The following DCAKD variants were observed in gnomAD, a reference collection of about 807,000 sequenced individuals.
The protein encoded by DCAKD is dephospho-CoA kinase domain-containing protein.
In DCAKD, 15 loss-of-function variants were observed where a neutral mutation model predicts 18.7. That is an observed-to-expected ratio of 0.80 (90% CI 0.54 to 1.24). The LOEUF is 1.24. DCAKD is among the 50% of genes most tolerant of loss of function. The pLI is 0.00. For synonymous variants in DCAKD, 130 were observed against 133.0 expected, an observed-to-expected ratio of 0.98 and a Z score of 0.16; for missense variants, 301 against 322.0, an observed-to-expected ratio of 0.93 and a Z score of 0.50.
intron 3 of DCAKD, among the ~76,000 whole-genome samples, chr17:45,032,907 G>A (rs2053202514): frequency 6.6e-6 from 1 of 152,202 alleles, no homozygotes; most frequent in Non-Finnish European, 1.5e-5. Context: ...ATGTGCCAAA[G>A]GCTGGCATGC....
intron 4 of DCAKD, among the ~76,000 whole-genome samples, chr17:45,029,720 C>T (rs1763906907): frequency 6.6e-6 from 1 of 152,154 alleles, no homozygotes; most frequent in Non-Finnish European, 1.5e-5. Flanking sequence ...ATATCAACAC[C>T]TGTCCTGACC....
chr17:45,037,399 AAAAC>A (rs1286130574), intron 1 of DCAKD, among the ~76,000 whole-genome samples: 2 of 152,300 alleles, frequency 1.3e-5, no homozygotes, highest in South Asian at 2.1e-4. Flanking sequence ...ACAAACAAAC[AAAAC>A]AAACAAACAA....
In DCAKD at chr17:45,031,583, G is replaced by A. The variant is rs948239895; in HGVS notation, c.317-1404C>T. The A allele has an allele frequency of 2.1e-5, 21 of 985,138 alleles. No homozygotes were observed. The East Asian group carries it at 3.4e-4, about 16-fold the overall frequency. The allele number at this position is 985,138 out of a possible 1,614,324, so 61.0% of individuals were successfully genotyped here. A position where few individuals can be genotyped will look rare whatever the true frequency, so the allele number is the denominator to read the frequency against. On this transcript the variant is annotated intron_variant, in intron 3 of 4. Transcript: ENST00000651974. Reference sequence around the variant, plus strand: ...CAGGGGGAGGCCAACAGTGTGGTGCGCCTCCCTAACTTGGAGCAGAAGCCA... The same window carrying A: ...CAGGGGGAGGCCAACAGTGTGGTGCACCTCCCTAACTTGGAGCAGAAGCCA...
chr17:45,057,202 C>T (rs2053790845), intron 1 of DCAKD, among the ~76,000 whole-genome samples: 1 of 152,058 alleles, frequency 6.6e-6, no homozygotes, highest in Non-Finnish European at 1.5e-5. Flanking sequence ...TGCCACAATG[C>T]CACGCTAATT....
In DCAKD at chr17:45,051,542, G is replaced by C. The variant is rs896936701; in HGVS notation, c.-296C>G. ...GCTGGCTCTCACCGGCCCGCGTGGC[G>C]CGCTACGTACCCAGCGCCTCCGCCG... On this transcript the variant is annotated 5_prime_UTR_variant, in exon 1 of 5. Coordinates refer to ENST00000651974, the MANE Select transcript of DCAKD (RefSeq NM_001288655.2). 2.0e-5 allele frequency: 3 copies of C among 151,404 alleles called. No individual in the cohort carries two copies. The highest frequency in any genetic ancestry group is 2.9e-5 in the Non-Finnish European group (2 of 67,816). The allele number at this position is 151,404 out of a possible 1,614,324, so 9.4% of individuals were successfully genotyped here.
chr17:45,040,512 G>A (rs2053410002), intron 1 of DCAKD, among the ~76,000 whole-genome samples: 1 of 152,062 alleles, frequency 6.6e-6, no homozygotes, highest in Non-Finnish European at 1.5e-5. Context: ...GAGGCGGAAG[G>A]ACAACACCAA....
intron 1 of DCAKD, among the ~76,000 whole-genome samples, chr17:45,058,249 A>C (rs2053808073): frequency 6.6e-6 from 1 of 152,142 alleles, no homozygotes; most frequent in Non-Finnish European, 1.5e-5. Flanking sequence ...CAGGAGGCAG[A>C]GGTTGCAGCA....
intron 4 of DCAKD, 36 bp downstream of exon 4, chr17:45,030,056 G>A: frequency 6.4e-7 from 1 of 1,570,808 alleles, no homozygotes; most frequent in Non-Finnish European, 8.8e-7. Context: ...TACCCCCATG[G>A]TCCTCCCTTC....
chr17:45,024,846 A>G (rs959533537), intron 4 of DCAKD, 122 bp from the exon 5 acceptor site: 1 of 1,252,176 alleles, frequency 8.0e-7, no homozygotes, highest in African/African-American at 1.5e-5. Context: ...CTTCCCTCCA[A>G]CCCTACCCTG....
chr17:45,045,835 T>G (rs2053554586), intron 1 of DCAKD, among the ~76,000 whole-genome samples: 1 of 152,164 alleles, frequency 6.6e-6, no homozygotes, highest in Non-Finnish European at 1.5e-5. Flanking sequence ...TTTTTTTGTT[T>G]TTGTTTTTGA....
At chr17:45,028,075 G>A (rs888933029) in intron 4 of DCAKD, among the ~76,000 whole-genome samples, 17 of 150,198 alleles carry the variant, frequency 1.1e-4, no homozygotes, top group African/African-American at 4.2e-4. Flanking sequence ...ACATGCAGGT[G>A]TCGGCCCCTG....
At chr17:45,048,807 C>T (rs1003109612) in intron 1 of DCAKD, among the ~76,000 whole-genome samples, 2 of 148,976 alleles carry the variant, frequency 1.3e-5, no homozygotes, top group African/African-American at 5.0e-5. Context: ...CAGACTCTGT[C>T]TCAAAAAGAA....
chr17:45,030,159 C>T lies in DCAKD; in HGVS notation c.337G>A (p.Asp113Asn), dbSNP rs761810256. The T allele has an allele frequency of 1.9e-6, 3 of 1,614,106 alleles. No homozygotes were observed. The highest frequency in any genetic ancestry group is 1.7e-5 in the Admixed American group (1 of 60,016). Residue 113 changes from aspartate (D) to asparagine (N), a missense_variant, in exon 4 of 5, where the codon GAT (aspartate) becomes AAT (asparagine). Coordinates refer to ENST00000651974, the MANE Select transcript of DCAKD (RefSeq NM_001288655.2). Reference sequence around the variant, plus strand: ...TTGGTCTCAAACAGCAGGGGGATATCCAGAATCACGTAGCGGTATCCTGGG... The same window carrying T: ...TTGGTCTCAAACAGCAGGGGGATATTCAGAATCACGTAGCGGTATCCTGGG... ...FLRGYRYVIL[D>N]IPLLFETKKL...
intron 1 of DCAKD, among the ~76,000 whole-genome samples, chr17:45,046,465 A>T (rs2053570800): frequency 6.6e-6 from 1 of 151,888 alleles, no homozygotes; most frequent in Non-Finnish European, 1.5e-5. Context: ...AAAATACAAA[A>T]ATTAGCCAGG....
chr17:45,028,272 C>A (rs1048178917), intron 4 of DCAKD, among the ~76,000 whole-genome samples: 3 of 151,518 alleles, frequency 2.0e-5, no homozygotes, highest in Non-Finnish European at 4.4e-5. Context: ...TGATGCCCAG[C>A]TAATTTTTTT....
intron 1 of DCAKD, among the ~76,000 whole-genome samples, chr17:45,058,987 TC>T (rs2053818742): frequency 6.6e-6 from 1 of 152,006 alleles, no homozygotes; most frequent in Admixed American, 6.6e-5. Context: ...ACGCCTGTAA[TC>T]CCAGCACTTT....
At chr17:45,038,395 G>A (rs2053352870) in intron 1 of DCAKD, among the ~76,000 whole-genome samples, 1 of 152,158 alleles carries the variant, frequency 6.6e-6, no homozygotes, top group Non-Finnish European at 1.5e-5. Context: ...AGTGGAGACT[G>A]AGGACCAGAG....
chr17:45,060,879 T>C, intron 1 of DCAKD: 1 of 352,520 alleles, frequency 2.8e-6, no homozygotes, highest in Non-Finnish European at 4.0e-6. Context: ...CTCAGGCCCT[T>C]TCACTTACCC....
intron 1 of DCAKD, among the ~76,000 whole-genome samples, chr17:45,057,080 T>A (rs940117288): frequency 6.6e-6 from 1 of 151,960 alleles, no homozygotes; most frequent in Non-Finnish European, 1.5e-5. Flanking sequence ...TTTTCCTATT[T>A]ATATAGAGAC....
Sources: allele counts gnomAD v4.1 joint callset (sites outside exome capture counted in the v4.1 genomes callset), GRCh38; gene constraint gnomAD v4.1.1; transcripts MANE v1.5; gene names NCBI Gene and HGNC (gene_info 2026-07-23, HGNC 2026-07-21).